PAX5: variants seen among roughly 807,000 people sequenced by gnomAD.
PAX5 encodes paired box protein Pax-5.
A neutral mutation model predicts 43.7 loss-of-function variants in PAX5; 9 were observed. The ratio of observed to expected loss-of-function variants is 0.21; its 90% CI spans 0.12 to 0.36. The LOEUF is 0.36. PAX5 is among the 10% of genes least tolerant of loss of function. The pLI is 1.00. For synonymous variants in PAX5, 228 were observed against 214.3 expected (o/e 1.06, Z -0.56); for missense variants, 383 against 532.7 (o/e 0.72, Z 2.77).
chr9:37,029,794 A>C (rs1163471147), intron 1 of PAX5, among the ~76,000 whole-genome samples: 2 of 152,138 alleles, frequency 1.3e-5, no homozygotes, highest in Non-Finnish European at 2.9e-5. Flanking sequence ...AGATTCTTAG[A>C]GCTAAAAGGG....
At position 36,874,428 on chromosome 9, in the gene PAX5, C is replaced by T. The variant is rs530453763; in HGVS notation, c.1012+7576G>A. 2.2e-4 allele frequency among the ~76,000 whole-genome samples: 34 copies of T among 152,292 alleles called. No individual in the cohort carries two copies. The South Asian group carries it at 7.1e-3, about 32-fold the overall frequency. On this transcript the variant is annotated intron_variant, in intron 8 of 9. Transcript: ENST00000358127. Reference sequence around the variant, plus strand: ...AGATCCTAACCTTGCTGGCCATCAGCCTCCACTCAACAGGCTCCCCTCCCT... The same window carrying T: ...AGATCCTAACCTTGCTGGCCATCAGTCTCCACTCAACAGGCTCCCCTCCCT...
At chr9:36,925,249 G>A (rs1282976164) in intron 6 of PAX5, among the ~76,000 whole-genome samples, 1 of 152,158 alleles carries the variant, frequency 6.6e-6, no homozygotes, top group Non-Finnish European at 1.5e-5. Context: ...TCGTGCTGAG[G>A]ACAGCATGTC....
intron 8 of PAX5, among the ~76,000 whole-genome samples, chr9:36,874,554 C>T (rs1231880822): frequency 6.6e-6 from 1 of 152,242 alleles, no homozygotes; most frequent in Non-Finnish European, 1.5e-5. Flanking sequence ...CCCCATCCTC[C>T]TCTCCAGATA....
At chr9:36,951,876 C>G (rs1300218350) in intron 6 of PAX5, among the ~76,000 whole-genome samples, 2 of 152,098 alleles carry the variant, frequency 1.3e-5, no homozygotes, top group Non-Finnish European at 2.9e-5. Flanking sequence ...TAATTGTTAT[C>G]CTTAATTTGC....
chr9:36,936,826 A>G (rs1472275364), intron 6 of PAX5, among the ~76,000 whole-genome samples: 1 of 118,678 alleles, frequency 8.4e-6, no homozygotes, highest in Non-Finnish European at 1.8e-5. Context: ...GCACACACAC[A>G]CATGCACACA....
intron 7 of PAX5, among the ~76,000 whole-genome samples, chr9:36,895,258 G>A (rs759311686): frequency 6.6e-6 from 1 of 152,224 alleles, no homozygotes; most frequent in Admixed American, 6.5e-5. Context: ...GTGTGCCGCC[G>A]AATCCGCCGA....
Position 36,923,419 on chromosome 9 carries a change from G to T in PAX5, c.846C>A (p.Ala282=), listed in dbSNP as rs750866497. 6.2e-7 allele frequency: 1 copy of T among 1,613,106 alleles called. No individual in the cohort carries two copies. ...TCCCGATGTCAGCAGGGGTGGGGCT[G>T]GCCAGATTGGCCTTCATGTCGTCCA... The part of the protein sequence containing the change: ...GGLDDMKANL[A]SPTPADIGSS... The change falls in exon 7 of 10, where the codon GCC becomes GCA. Residue 282 remains alanine (A), a synonymous_variant. Coordinates refer to ENST00000358127, the MANE Select transcript of PAX5 (RefSeq NM_016734.3).
chr9:36,870,775 A>G (rs73648160), intron 8 of PAX5, among the ~76,000 whole-genome samples: 6,652 of 152,268 alleles, frequency 0.044, 266 homozygotes, highest in African/African-American at 0.1. Flanking sequence ...ATCTTCCAGG[A>G]GCTCAAGTCT....
intron 5 of PAX5, among the ~76,000 whole-genome samples, chr9:36,998,588 G>T (rs184863541): frequency 2.0e-5 from 3 of 152,342 alleles, no homozygotes; most frequent in Admixed American, 6.5e-5. Flanking sequence ...CTAGTCCTAT[G>T]TAGCTACTGT....
intron 7 of PAX5, among the ~76,000 whole-genome samples, chr9:36,897,734 C>G (rs560631740): frequency 1.3e-5 from 2 of 152,332 alleles, no homozygotes; most frequent in South Asian, 4.1e-4. Flanking sequence ...TCACAGAACA[C>G]CTCTCAAGCT....
intron 8 of PAX5, among the ~76,000 whole-genome samples, chr9:36,878,995 A>T (rs938858678): frequency 9.2e-5 from 14 of 152,228 alleles, no homozygotes; most frequent in Non-Finnish European, 2.1e-4. Flanking sequence ...GCAGAAGGAA[A>T]GAATGGAGGG....
chr9:36,854,154 G>A (rs1267826371), intron 8 of PAX5, among the ~76,000 whole-genome samples: 7 of 152,228 alleles, frequency 4.6e-5, no homozygotes, highest in Non-Finnish European at 2.9e-5. Context: ...AGGACCATGA[G>A]GTTTCTTCAG....
At chr9:36,950,800 C>G (rs967925672) in intron 6 of PAX5, among the ~76,000 whole-genome samples, 2 of 143,624 alleles carry the variant, frequency 1.4e-5, no homozygotes, top group African/African-American at 5.1e-5. Context: ...GAGCGCAATG[C>G]TGCAATCTTG....
intron 7 of PAX5, among the ~76,000 whole-genome samples, chr9:36,921,109 A>G (rs1203662468): frequency 6.6e-6 from 1 of 152,180 alleles, no homozygotes; most frequent in Non-Finnish European, 1.5e-5. Flanking sequence ...CACTGCGCCC[A>G]GCCAGACATA....
chr9:36,877,265 G>T (rs1241790428), intron 8 of PAX5, among the ~76,000 whole-genome samples: 3 of 152,210 alleles, frequency 2.0e-5, no homozygotes, highest in African/African-American at 7.2e-5. Flanking sequence ...AGCCCAAGAA[G>T]TCAAGGCTGC....
intron 5 of PAX5, among the ~76,000 whole-genome samples, chr9:36,979,480 A>G (rs572568893): frequency 1.1e-4 from 17 of 152,338 alleles, no homozygotes; most frequent in African/African-American, 3.6e-4. Context: ...GAAAAGGATA[A>G]CAGCGACAAA....
chr9:37,033,510 C>T (rs1305776586), intron 1 of PAX5, among the ~76,000 whole-genome samples: 2 of 152,060 alleles, frequency 1.3e-5, no homozygotes, highest in Non-Finnish European at 2.9e-5. Context: ...ATAAATAACA[C>T]TCATAGTAGA....
chr9:36,914,328 T>C (rs1336940519), intron 7 of PAX5, among the ~76,000 whole-genome samples: 1 of 152,214 alleles, frequency 6.6e-6, no homozygotes, highest in African/African-American at 2.4e-5. Flanking sequence ...AAGCTTGTAC[T>C]TTGTTTTACT....
At chr9:37,001,221 C>T (rs1588188762) in intron 5 of PAX5, among the ~76,000 whole-genome samples, 1 of 152,216 alleles carries the variant, frequency 6.6e-6, no homozygotes, top group African/African-American at 2.4e-5. Flanking sequence ...CAGGCCAGAA[C>T]CTGTCTGTTT....
Sources: gnomAD v4.1 joint callset for allele counts (sites outside exome capture counted in the v4.1 genomes callset) on GRCh38, gnomAD v4.1.1 for gene constraint, MANE v1.5 for transcripts, NCBI Gene and HGNC (gene_info 2026-07-23, HGNC 2026-07-21) for gene names.